The following GSK3B variants were observed in gnomAD, a reference collection of about 807,000 sequenced individuals.
The protein encoded by GSK3B is glycogen synthase kinase 3 beta.
In GSK3B, 15 loss-of-function variants were observed where a neutral mutation model predicts 56.4. The observed-to-expected ratio is 0.27, with a 90% CI of 0.18 to 0.41. The LOEUF (loss-of-function observed/expected upper bound fraction) is 0.41. GSK3B is among the 10% of genes least tolerant of loss of function. The probability of loss-of-function intolerance (pLI) is 1.00; values close to 1 mark genes in which losing one functional copy is unlikely to be tolerated. For missense variants in GSK3B, 300 were observed against 513.4 expected, an observed-to-expected ratio of 0.58 and a Z score of 4.02; for synonymous variants, 181 against 188.9, an observed-to-expected ratio of 0.96 and a Z score of 0.34.
chr3:119,963,896 A>G (rs1436570090), intron 2 of GSK3B, among the ~76,000 whole-genome samples: 1 of 152,178 alleles, frequency 6.6e-6, no homozygotes, highest in African/African-American at 2.4e-5. Context: ...TAAACATAAG[A>G]TCTGAAAACG....
At chr3:119,887,642 TG>T (rs1413866477) in intron 7 of GSK3B, among the ~76,000 whole-genome samples, 1 of 152,132 alleles carries the variant, frequency 6.6e-6, no homozygotes, top group African/African-American at 2.4e-5. Context: ...TTGAGTCTGA[TG>T]GTGGGAAGTA....
chr3:120,068,815 G>A (rs334565), intron 1 of GSK3B, among the ~76,000 whole-genome samples: 5,576 of 151,646 alleles, frequency 0.037, 337 homozygotes, highest in African/African-American at 0.13. Context: ...ATATACAGTG[G>A]TTTATTAAAC....
chr3:119,946,220 C>T (rs147008487), intron 3 of GSK3B, among the ~76,000 whole-genome samples: 144 of 151,954 alleles, frequency 9.5e-4, no homozygotes, highest in African/African-American at 3.2e-3. Flanking sequence ...TATCAAAATT[C>T]GGGCTTAATA....
At position 120,022,563 on chromosome 3, in the gene GSK3B, AAGAG is replaced by A. The variant is rs138598577; in HGVS notation, c.89-20328_89-20325del. Among the ~76,000 whole-genome samples, 13 of 151,350 alleles carry A rather than the reference AAGAG, an allele frequency of 8.6e-5. 1 individual carries two copies. The highest frequency in any genetic ancestry group is 2.4e-5 in the African/African-American group (1 of 41,302). ...ACACCTCCCAATCCTCTCCCCACAA[AAGAG>A]AGAGAGAGAGGAAAAGAAAGAAATG... On this transcript the variant is annotated intron_variant, in intron 1 of 10. Coordinates refer to ENST00000264235, the MANE Select transcript of GSK3B (RefSeq NM_001146156.2).
At chr3:119,912,678 A>G (rs1348518621) in intron 6 of GSK3B, 26 bp downstream of exon 6, 3 of 962,766 alleles carry the variant, frequency 3.1e-6, no homozygotes, top group South Asian at 1.5e-5. Context: ...AATAATTATG[A>G]GCATTATATT....
chr3:119,969,223 C>T (rs988940605), intron 2 of GSK3B, among the ~76,000 whole-genome samples: 2 of 150,600 alleles, frequency 1.3e-5, no homozygotes, highest in Non-Finnish European at 2.9e-5. Context: ...ACCCAGGAGG[C>T]GGAGGTTACA....
At chr3:119,969,224 G>A (rs1339723323) in intron 2 of GSK3B, among the ~76,000 whole-genome samples, 2 of 151,718 alleles carry the variant, frequency 1.3e-5, no homozygotes, top group Non-Finnish European at 1.5e-5. Flanking sequence ...CCCAGGAGGC[G>A]GAGGTTACAG....
intron 1 of GSK3B, among the ~76,000 whole-genome samples, chr3:120,070,211 C>CAAAA (rs894506532): frequency 7.7e-6 from 1 of 130,412 alleles, no homozygotes; most frequent in East Asian, 2.1e-4. Flanking sequence ...GACTCCATCT[C>CAAAA]AAAAAACAAA....
intron 1 of GSK3B, among the ~76,000 whole-genome samples, chr3:120,013,470 A>C (rs9854117): frequency 0.018 from 2,777 of 152,334 alleles, 91 homozygotes; most frequent in African/African-American, 0.064. Context: ...GTCATGCCAC[A>C]GTCTAATAAA....
intron 7 of GSK3B, among the ~76,000 whole-genome samples, chr3:119,893,873 TA>T (rs200995417): frequency 8.0e-3 from 1,095 of 137,032 alleles, no homozygotes; most frequent in Middle Eastern, 0.015. Flanking sequence ...ACTTTTGCCT[TA>T]AAAAAAAAAA....
At chr3:119,845,024 C>T (rs772834653) in intron 9 of GSK3B, among the ~76,000 whole-genome samples, 1 of 152,120 alleles carries the variant, frequency 6.6e-6, no homozygotes, top group Non-Finnish European at 1.5e-5. Context: ...AATCAATAAA[C>T]GTAATTCATC....
intron 1 of GSK3B, among the ~76,000 whole-genome samples, chr3:120,063,699 G>T (rs2107555482): frequency 7.0e-6 from 1 of 141,962 alleles, no homozygotes; most frequent in East Asian, 2.1e-4. Flanking sequence ...TTACACTGCA[G>T]CCTGGGTGAC....
chr3:119,965,576 G>C (rs2057311632), intron 2 of GSK3B, among the ~76,000 whole-genome samples: 1 of 151,636 alleles, frequency 6.6e-6, no homozygotes, highest in African/African-American at 2.4e-5. Context: ...ATCTTAAAGA[G>C]AGACAAAATA....
At chr3:119,853,396 C>T (rs1263368747) in intron 9 of GSK3B, among the ~76,000 whole-genome samples, 1 of 152,146 alleles carries the variant, frequency 6.6e-6, no homozygotes, top group Non-Finnish European at 1.5e-5. Context: ...ATTGTCTTGG[C>T]TATACGGGCT....
At chr3:119,903,838 T>C (rs1226077818) in intron 7 of GSK3B, among the ~76,000 whole-genome samples, 1 of 152,146 alleles carries the variant, frequency 6.6e-6, no homozygotes, top group Admixed American at 6.6e-5. Flanking sequence ...AATTGTAGCA[T>C]GGTGATGGTG....
chr3:120,080,641 G>C (rs373715525), intron 1 of GSK3B, among the ~76,000 whole-genome samples: 1 of 152,070 alleles, frequency 6.6e-6, no homozygotes, highest in Non-Finnish European at 1.5e-5. Context: ...GACCAGCCTG[G>C]CCAGCATTAT....
At chr3:119,837,943 CATATATATATATATATAT>C (rs10574860) in intron 10 of GSK3B, among the ~76,000 whole-genome samples, 5 of 138,598 alleles carry the variant, frequency 3.6e-5, no homozygotes, top group African/African-American at 1.3e-4. Flanking sequence ...TGACCATTCA[CATATATATATATATATAT>C]ATATATATAT....
intron 9 of GSK3B, among the ~76,000 whole-genome samples, chr3:119,847,641 A>C (rs1015047415): frequency 6.6e-6 from 1 of 152,240 alleles, no homozygotes; most frequent in Non-Finnish European, 1.5e-5. Flanking sequence ...TATCTACTAA[A>C]ATTATGTCTG....
chr3:120,088,555 T>A (rs142013263), intron 1 of GSK3B, among the ~76,000 whole-genome samples: 1 of 152,338 alleles, frequency 6.6e-6, no homozygotes, highest in East Asian at 1.9e-4. Context: ...TCCGCTTTAA[T>A]GAAAATGCTC....
Sources: gnomAD v4.1 joint callset for allele counts (sites outside exome capture counted in the v4.1 genomes callset) on GRCh38, gnomAD v4.1.1 for gene constraint, MANE v1.5 for transcripts, NCBI Gene and HGNC (gene_info 2026-07-23, HGNC 2026-07-21) for gene names.